Variants in CHRM5 observed in about 807,000 individuals in gnomAD.
CHRM5 encodes the protein cholinergic receptor muscarinic 5, also known as muscarinic acetylcholine receptor M5.
Under a neutral mutation model 39.0 loss-of-function variants are expected in CHRM5, and 18 were observed. The ratio of observed to expected loss-of-function variants is 0.46; its 90% CI spans 0.32 to 0.68. The LOEUF is 0.68. Among genes scored for constraint, CHRM5 ranks in the 30% least tolerant of loss-of-function variants. The pLI is 0.04. For missense variants in CHRM5, 515 were observed against 651.1 expected, an observed-to-expected ratio of 0.79 and a Z score of 2.28; for synonymous variants, 241 against 246.3, an observed-to-expected ratio of 0.98 and a Z score of 0.20.
intron 1 of CHRM5, among the ~76,000 whole-genome samples, chr15:34,038,055 C>T (rs2140790985): frequency 6.6e-6 from 1 of 152,250 alleles, no homozygotes; most frequent in Non-Finnish European, 1.5e-5. Flanking sequence ...CCAAAAACTT[C>T]CTTCTATGAA....
At chr15:34,014,100 C>T (rs149767040) in intron 1 of CHRM5, among the ~76,000 whole-genome samples, 105 of 152,276 alleles carry the variant, frequency 6.9e-4, no homozygotes, top group Admixed American at 1.8e-3. Flanking sequence ...CAGTGGCTCA[C>T]GCCTGCAATC....
At chr15:34,028,698 G>T (rs1898615159) in intron 1 of CHRM5, among the ~76,000 whole-genome samples, 1 of 152,172 alleles carries the variant, frequency 6.6e-6, no homozygotes, top group African/African-American at 2.4e-5. Flanking sequence ...GTGTAAGGTA[G>T]ATATCCTTAA....
intron 2 of CHRM5, among the ~76,000 whole-genome samples, chr15:34,055,571 G>A (rs1416536481): frequency 6.6e-6 from 1 of 152,006 alleles, no homozygotes; most frequent in Admixed American, 6.6e-5. Context: ...GGAGGCTGAG[G>A]TGGGCGGATC....
intron 1 of CHRM5, among the ~76,000 whole-genome samples, chr15:34,041,042 C>T (rs997119356): frequency 1.3e-5 from 2 of 152,156 alleles, no homozygotes; most frequent in African/African-American, 4.8e-5. Context: ...AAGATCCACA[C>T]ATTAATCTCA....
intron 1 of CHRM5, among the ~76,000 whole-genome samples, chr15:34,005,492 G>A (rs569351903): frequency 6.6e-6 from 1 of 152,126 alleles, no homozygotes; most frequent in African/African-American, 2.4e-5. Context: ...GCTCAATGGA[G>A]TCAAGCTAAA....
At chr15:34,020,738 G>C (rs981939564) in intron 1 of CHRM5, among the ~76,000 whole-genome samples, 3 of 152,132 alleles carry the variant, frequency 2.0e-5, no homozygotes, top group Non-Finnish European at 4.4e-5. Flanking sequence ...GTCATGAAAA[G>C]CTGTAAATGA....
chr15:34,008,487 T>TC (rs1256500022), intron 1 of CHRM5, among the ~76,000 whole-genome samples: 3 of 25,008 alleles, frequency 1.2e-4, no homozygotes, highest in African/African-American at 1.5e-4. Flanking sequence ...AAAAACCTTT[T>TC]TTTTTTTTTT....
intron 2 of CHRM5, among the ~76,000 whole-genome samples, chr15:34,056,379 C>G (rs911119569): frequency 6.6e-6 from 1 of 152,112 alleles, no homozygotes; most frequent in South Asian, 2.1e-4. Context: ...AATGCATTTC[C>G]CAAATGTGAT....
intron 1 of CHRM5, among the ~76,000 whole-genome samples, chr15:34,042,122 T>G (rs1899498002): frequency 6.6e-6 from 1 of 152,200 alleles, no homozygotes; most frequent in South Asian, 2.1e-4. Flanking sequence ...TTATTAAGGT[T>G]TAAAAATACC....
intron 1 of CHRM5, among the ~76,000 whole-genome samples, chr15:34,007,547 T>G (rs1897410258): frequency 6.6e-6 from 1 of 152,176 alleles, no homozygotes; most frequent in Non-Finnish European, 1.5e-5. Flanking sequence ...AACAGTATCT[T>G]CAAGACAACG....
chr15:34,050,735 A>C (rs1899900422), intron 2 of CHRM5, among the ~76,000 whole-genome samples: 1 of 152,228 alleles, frequency 6.6e-6, no homozygotes, highest in Admixed American at 6.5e-5. Flanking sequence ...TAAACCAATA[A>C]GATCAAAAAA....
intron 1 of CHRM5, among the ~76,000 whole-genome samples, chr15:33,977,380 C>T (rs1002636134): frequency 1.3e-5 from 2 of 152,146 alleles, no homozygotes; most frequent in African/African-American, 4.8e-5. Context: ...AAATCCTCCC[C>T]TTATCATCTC....
chr15:34,022,669 A>G (rs1467041566), intron 1 of CHRM5, among the ~76,000 whole-genome samples: 6 of 152,224 alleles, frequency 3.9e-5, no homozygotes, highest in South Asian at 2.1e-4. Context: ...CACCTTTTGC[A>G]TAAGTATGAG....
chr15:34,047,073 G>GGT (rs1440638734), intron 2 of CHRM5, among the ~76,000 whole-genome samples: 4 of 145,146 alleles, frequency 2.8e-5, no homozygotes, highest in African/African-American at 7.6e-5. Flanking sequence ...TTTTTTGTTG[G>GGT]TTTTTTTTTT....
In CHRM5 at chr15:34,064,015, T is replaced by TCAAAGG. The variant is rs1401575496; in HGVS notation, c.1299_1300insAAAGGC (p.Val433_Leu434insLysGly). On this transcript the variant is annotated inframe_insertion, in exon 3 of 3. Transcript: ENST00000383263. ...CAAATGACCAAACGAAAGAGAGTGG[T>TCAAAGG]CCTAGTCAAAGAGAGGAAAGCAGCC... The TCAAAGG allele has an allele frequency of 6.2e-7, 1 of 1,614,100 alleles. No homozygotes were observed.
intron 2 of CHRM5, among the ~76,000 whole-genome samples, chr15:34,055,913 A>T (rs1900129381): frequency 6.6e-6 from 1 of 152,238 alleles, no homozygotes; most frequent in African/African-American, 2.4e-5. Context: ...ATGCATATTA[A>T]ATTTTGAGAC....
chr15:34,038,248 C>T (rs1402171484), intron 1 of CHRM5, among the ~76,000 whole-genome samples: 1 of 152,206 alleles, frequency 6.6e-6, no homozygotes, highest in African/African-American at 2.4e-5. Context: ...TACTAGAGTC[C>T]AGTCGTAGGG....
At chr15:34,038,786 G>T (rs1306024319) in intron 1 of CHRM5, 2 of 1,183,328 alleles carry the variant, frequency 1.7e-6, no homozygotes, top group Non-Finnish European at 2.1e-6. Flanking sequence ...TTACCGGCGC[G>T]CTGGCCCCTG....
intron 2 of CHRM5, among the ~76,000 whole-genome samples, chr15:34,049,885 C>T (rs1195421977): frequency 8.0e-6 from 1 of 124,818 alleles, no homozygotes; most frequent in Non-Finnish European, 1.7e-5. Flanking sequence ...TAATCAACAT[C>T]AACTTTTTTT....
Sources: gnomAD v4.1 joint callset for allele counts (sites outside exome capture counted in the v4.1 genomes callset) on GRCh38, gnomAD v4.1.1 for gene constraint, MANE v1.5 for transcripts, NCBI Gene and HGNC (gene_info 2026-07-23, HGNC 2026-07-21) for gene names.